AFF3: variants seen among roughly 807,000 people sequenced by gnomAD.
The protein encoded by AFF3 is ALF transcription elongation factor 3.
AFF3 carries 32 observed loss-of-function variants against 129.7 expected under a neutral mutation model. The ratio of observed to expected loss-of-function variants is 0.25; its 90% CI spans 0.19 to 0.33. The LOEUF is 0.33. AFF3 is among the 10% of genes least tolerant of loss of function. The probability of loss-of-function intolerance (pLI) is 1.00; values close to 1 mark genes in which losing one functional copy is unlikely to be tolerated. For missense variants in AFF3, 1,373 were observed against 1,592.0 expected (o/e 0.86, Z 2.34); for synonymous variants, 644 against 635.4 (o/e 1.01, Z -0.20).
intron 8 of AFF3, among the ~76,000 whole-genome samples, chr2:99,774,926 T>C (rs1683772526): frequency 6.6e-6 from 1 of 152,142 alleles, no homozygotes. Context: ...CATGAAAAAG[T>C]AGGCAAAGGA....
At chr2:99,973,962 C>G (rs1213259924) in intron 7 of AFF3, among the ~76,000 whole-genome samples, 1 of 152,162 alleles carries the variant, frequency 6.6e-6, no homozygotes, top group Non-Finnish European at 1.5e-5. Flanking sequence ...CAGAAATGCT[C>G]ATGAATTTCT....
chr2:99,855,926 G>A (rs560372222), intron 7 of AFF3, among the ~76,000 whole-genome samples: 2 of 152,146 alleles, frequency 1.3e-5, no homozygotes, highest in African/African-American at 4.8e-5. Flanking sequence ...CTGGCACTTT[G>A]CCTGTGTGGT....
At chr2:99,809,809 T>G (rs1295069666) in intron 8 of AFF3, among the ~76,000 whole-genome samples, 1 of 152,248 alleles carries the variant, frequency 6.6e-6, no homozygotes, top group Non-Finnish European at 1.5e-5. Context: ...TTTTGCAAGC[T>G]TCTTACTCAT....
chr2:99,830,999 C>T (rs764854830), intron 8 of AFF3, among the ~76,000 whole-genome samples: 6 of 152,184 alleles, frequency 3.9e-5, no homozygotes, highest in South Asian at 2.1e-4. Context: ...GGCACGCTCA[C>T]ACACACCCAC....
At chr2:99,892,491 T>C (rs909715419) in intron 7 of AFF3, among the ~76,000 whole-genome samples, 11 of 152,170 alleles carry the variant, frequency 7.2e-5, no homozygotes, top group Non-Finnish European at 1.2e-4. Flanking sequence ...GTTTAAAGAA[T>C]TTTTTCAACT....
At chr2:99,719,778 CGGT>C (rs1169113306) in intron 11 of AFF3, among the ~76,000 whole-genome samples, 2 of 152,138 alleles carry the variant, frequency 1.3e-5, no homozygotes, top group African/African-American at 4.8e-5. Flanking sequence ...TGGCCGGGCA[CGGT>C]GGCTCACGCC....
At chr2:100,081,671 C>T (rs1489224560) in intron 4 of AFF3, among the ~76,000 whole-genome samples, 1 of 152,196 alleles carries the variant, frequency 6.6e-6, no homozygotes, top group African/African-American at 2.4e-5. Flanking sequence ...CTCTGATTCA[C>T]CCTTCACACT....
At chr2:99,896,522 T>C (rs1693954484) in intron 7 of AFF3, among the ~76,000 whole-genome samples, 1 of 151,090 alleles carries the variant, frequency 6.6e-6, no homozygotes, top group African/African-American at 2.4e-5. Flanking sequence ...CAAGAACCTG[T>C]CAGAAGTTTC....
intron 7 of AFF3, 121 bp downstream of exon 7, chr2:100,006,511 C>G: frequency 7.8e-7 from 1 of 1,282,432 alleles, no homozygotes; most frequent in Non-Finnish European, 1.1e-6. Flanking sequence ...TGCTACAAAT[C>G]CTACCACATG....
intron 7 of AFF3, among the ~76,000 whole-genome samples, chr2:100,002,685 T>A (rs1306125615): frequency 2.6e-5 from 4 of 152,226 alleles, no homozygotes; most frequent in Non-Finnish European, 4.4e-5. Flanking sequence ...TCTGCTCTCC[T>A]GGCTTATCAA....
In AFF3 at chr2:99,551,292, C is replaced by A; in HGVS notation, c.*182G>T. On this transcript the variant is annotated 3_prime_UTR_variant, in exon 25 of 25. Transcript: ENST00000672756. ...TGTGTATCTTACACACATACACAGG[C>A]GGCTTCTTATATACCCACACATACA... is the stretch of plus-strand genomic sequence containing the variant. The A allele has an allele frequency of 2.6e-6, 2 of 765,504 alleles. No individual in the cohort carries two copies. The highest frequency in any genetic ancestry group is 4.1e-6 in the Non-Finnish European group (2 of 487,644). The allele number at this position is 765,504 out of a possible 1,614,324, so 47.4% of individuals were successfully genotyped here.
intron 11 of AFF3, among the ~76,000 whole-genome samples, chr2:99,676,726 C>T (rs1044351145): frequency 1.3e-5 from 2 of 152,062 alleles, no homozygotes; most frequent in African/African-American, 4.8e-5. Context: ...ATTTTCAGGC[C>T]ATTTTGAAAA....
intron 11 of AFF3, among the ~76,000 whole-genome samples, chr2:99,722,645 C>T (rs760232679): frequency 2.0e-5 from 3 of 152,234 alleles, no homozygotes; most frequent in Non-Finnish European, 4.4e-5. Context: ...AAAAGAGTCT[C>T]TGCTCAGCAT....
rs773891953 is a variant in AFF3 at position 99,593,583 on chromosome 2, G to A, written c.2078C>T (p.Ala693Val). 1.6e-5 allele frequency: 26 copies of A among 1,613,022 alleles called. No homozygotes were observed. The highest frequency in any genetic ancestry group is 1.4e-5 in the Non-Finnish European group (16 of 1,179,882). ...GGAGGCAGAGGCAGCCACGGTCTGT[G>A]CTTTGGACAGAGGGTACTCCTCCTG... Reference protein sequence around the residue: ...SEQEEYPLSKAQTVAASASSG... With the variant: ...SEQEEYPLSKVQTVAASASSG... Residue 693 changes from alanine (A) to valine (V), a missense_variant, in exon 15 of 25, where the codon GCA becomes GTA. Around this residue, in one of 9 missense-constraint regions of AFF3, gnomAD observed 466 missense variants for 505.0 expected, o/e 0.92. Coordinates refer to ENST00000672756, the MANE Select transcript of AFF3 (RefSeq NM_001386135.1).
At chr2:99,724,758 A>G (rs1203442620) in intron 11 of AFF3, among the ~76,000 whole-genome samples, 1 of 152,172 alleles carries the variant, frequency 6.6e-6, no homozygotes. Context: ...ATTATAACAG[A>G]ACCTCTGTTA....
At chr2:99,884,645 C>CT (rs1692972050) in intron 7 of AFF3, among the ~76,000 whole-genome samples, 1 of 152,210 alleles carries the variant, frequency 6.6e-6, no homozygotes, top group Non-Finnish European at 1.5e-5. Flanking sequence ...CTCAAGTGAT[C>CT]TGCCAGCCTT....
At chr2:99,896,619 GCT>G (rs1693973140) in intron 7 of AFF3, among the ~76,000 whole-genome samples, 1 of 44,190 alleles carries the variant, frequency 2.3e-5, no homozygotes, top group African/African-American at 6.5e-5. Flanking sequence ...CTGTCAAAAT[GCT>G]TTTTTTTTTT....
chr2:100,032,643 C>T (rs1684596416), intron 4 of AFF3, among the ~76,000 whole-genome samples: 1 of 152,112 alleles, frequency 6.6e-6, no homozygotes, highest in Admixed American at 6.5e-5. Context: ...ATTTTTTTCA[C>T]ATGGTGATCC....
intron 11 of AFF3, among the ~76,000 whole-genome samples, chr2:99,710,690 T>C (rs1677812525): frequency 6.6e-6 from 1 of 152,176 alleles, no homozygotes; most frequent in South Asian, 2.1e-4. Flanking sequence ...TGCCTGAATG[T>C]GAAAGTTTGG....
Sources: gnomAD v4.1 joint callset for allele counts (sites outside exome capture counted in the v4.1 genomes callset) on GRCh38, gnomAD v4.1.1 for gene constraint, gnomAD v4.1.1 regional missense constraint, MANE v1.5 for transcripts, NCBI Gene and HGNC (gene_info 2026-07-23, HGNC 2026-07-21) for gene names.